Variants in LPCAT2 observed in about 807,000 individuals in gnomAD.
LPCAT2 encodes 1-AGP acyltransferase 11.
A neutral mutation model predicts 64.7 loss-of-function variants in LPCAT2; 58 were observed. The observed-to-expected ratio is 0.90, with a 90% CI of 0.73 to 1.12. The LOEUF (loss-of-function observed/expected upper bound fraction) is 1.12. Among genes scored for constraint, LPCAT2 ranks in the 50% most tolerant of loss-of-function variants. LPCAT2 has a pLI of 0.00. For synonymous variants in LPCAT2, 252 were observed against 245.3 expected (o/e 1.03, Z -0.26); for missense variants, 579 against 669.8 (o/e 0.86, Z 1.50).
At chr16:55,580,504 GT>G (rs1241475045) in intron 13 of LPCAT2, among the ~76,000 whole-genome samples, 8 of 152,172 alleles carry the variant, frequency 5.3e-5, no homozygotes, top group African/African-American at 1.7e-4. Context: ...GTTTTTTGGA[GT>G]TCAACCTTTT....
intron 11 of LPCAT2, among the ~76,000 whole-genome samples, chr16:55,556,402 T>C (rs1016298483): frequency 6.6e-6 from 1 of 152,184 alleles, no homozygotes; most frequent in African/African-American, 2.4e-5. Context: ...TCAGGATTTT[T>C]AATCAAAATT....
intron 5 of LPCAT2, 80 bp from the exon 6 acceptor site, chr16:55,532,744 A>T (rs1474443572): frequency 2.2e-6 from 2 of 893,866 alleles, no homozygotes; most frequent in Non-Finnish European, 3.6e-6. Flanking sequence ...CAGTCTATTT[A>T]TACTATTTAT....
chr16:55,514,669 G>A (rs1205160652), intron 1 of LPCAT2, among the ~76,000 whole-genome samples: 1 of 152,068 alleles, frequency 6.6e-6, no homozygotes, highest in African/African-American at 2.4e-5. Context: ...AAAATTGCAA[G>A]GTGTGTAAAG....
rs867895159 is a variant in LPCAT2 at position 55,579,038 on chromosome 16, T to C, written c.1315-71T>C. On this transcript the variant is annotated intron_variant, in intron 12 of 13. Coordinates refer to ENST00000262134, the MANE Select transcript of LPCAT2 (RefSeq NM_017839.5). ...AGTAGATGTTTGAATTATTAAAGAC[T>C]TTATTTTCCAAGATTATTCCCTACC... 384 of 1,451,352 alleles carry C rather than the reference T, an allele frequency of 2.6e-4. 1 individual carries two copies. The highest frequency in any genetic ancestry group is 2.4e-3 in the Middle Eastern group (11 of 4,600). 89.9% of individuals were successfully genotyped at this position (1,451,352 alleles called of 1,614,324 possible). A position where few individuals can be genotyped will look rare whatever the true frequency, so the allele number is the denominator to read the frequency against.
At chr16:55,575,501 C>A (rs1392175220) in intron 12 of LPCAT2, among the ~76,000 whole-genome samples, 1 of 152,132 alleles carries the variant, frequency 6.6e-6, no homozygotes, top group African/African-American at 2.4e-5. Flanking sequence ...CCTTGTCTTG[C>A]TAAGCTATGT....
At chr16:55,510,637 G>A (rs8054459) in intron 1 of LPCAT2, among the ~76,000 whole-genome samples, 72,680 of 151,896 alleles carry the variant, frequency 0.48, 18,073 homozygotes, top group Non-Finnish European at 0.55. Flanking sequence ...ATGGGTGTCT[G>A]GTTGAAGAGG....
At chr16:55,545,896 T>G (rs1963448484) in intron 9 of LPCAT2, 79 bp downstream of exon 9, 1 of 1,166,022 alleles carries the variant, frequency 8.6e-7, no homozygotes, top group African/African-American at 1.6e-5. Context: ...TTTTAAGGAT[T>G]TTTTTTTGAC....
intron 1 of LPCAT2, among the ~76,000 whole-genome samples, chr16:55,522,175 A>C (rs1963106513): frequency 6.6e-6 from 1 of 151,728 alleles, no homozygotes; most frequent in Non-Finnish European, 1.5e-5. Context: ...CAAAACTTAA[A>C]GTCAATCTTA....
At chr16:55,510,897 T>G (rs1213134033) in intron 1 of LPCAT2, among the ~76,000 whole-genome samples, 1 of 152,214 alleles carries the variant, frequency 6.6e-6, no homozygotes, top group African/African-American at 2.4e-5. Flanking sequence ...CATGGAATGT[T>G]GACAAATATT....
At chr16:55,556,278 C>T (rs1963573440) in intron 11 of LPCAT2, among the ~76,000 whole-genome samples, 2 of 151,866 alleles carry the variant, frequency 1.3e-5, no homozygotes, top group Non-Finnish European at 1.5e-5. Flanking sequence ...AAACTAGTGA[C>T]GGGAAGGAAT....
intron 11 of LPCAT2, chr16:55,567,575 C>G (rs1963720440): frequency 1.4e-6 from 2 of 1,455,368 alleles, no homozygotes; most frequent in Non-Finnish European, 1.9e-6. Flanking sequence ...TACACAGTTG[C>G]TGATACCCTG....
chr16:55,574,010 T>C (rs1963799827), intron 11 of LPCAT2, among the ~76,000 whole-genome samples: 1 of 152,126 alleles, frequency 6.6e-6, no homozygotes, highest in Admixed American at 6.5e-5. Flanking sequence ...CCTCCTAAGG[T>C]ATATTATACT....
intron 1 of LPCAT2, among the ~76,000 whole-genome samples, chr16:55,516,559 A>G (rs1206342451): frequency 6.6e-6 from 1 of 152,246 alleles, no homozygotes; most frequent in Non-Finnish European, 1.5e-5. Flanking sequence ...CTAAAGAAAG[A>G]CATTTATAAT....
rs1305700589 is a variant in LPCAT2 at position 55,509,101 on chromosome 16, G to A, written c.-81G>A. 6.7e-6 allele frequency: 8 copies of A among 1,192,784 alleles called. No homozygotes were observed. The highest frequency in any genetic ancestry group is 8.5e-6 in the Non-Finnish European group (8 of 936,048). The allele number at this position is 1,192,784 out of a possible 1,614,324, so 73.9% of individuals were successfully genotyped here. ...GCTCCCCAGCGTCGCCCTAGGCTGG[G>A]ACTCTAGTAGGTCTTCGGCTCAGTT... On this transcript the variant is annotated 5_prime_UTR_variant, in exon 1 of 14. Coordinates refer to ENST00000262134, the MANE Select transcript of LPCAT2 (RefSeq NM_017839.5).
At chr16:55,567,130 G>C (rs146637108) in intron 11 of LPCAT2, 30 of 1,613,638 alleles carry the variant, frequency 1.9e-5, no homozygotes, top group Non-Finnish European at 2.5e-5. Flanking sequence ...GACACCTGCC[G>C]GAGCATTGTG....
At chr16:55,516,958 A>G (rs927928574) in intron 1 of LPCAT2, among the ~76,000 whole-genome samples, 17 of 152,234 alleles carry the variant, frequency 1.1e-4, no homozygotes, top group African/African-American at 4.1e-4. Context: ...GTGGATTGAA[A>G]GTAGAAATCA....
At chr16:55,570,110 C>G (rs1263403717) in intron 11 of LPCAT2, among the ~76,000 whole-genome samples, 1 of 151,810 alleles carries the variant, frequency 6.6e-6, no homozygotes, top group Non-Finnish European at 1.5e-5. Flanking sequence ...TCAAAAGATC[C>G]CATGTGATTT....
At chr16:55,574,950 C>T (rs2142421553) in intron 12 of LPCAT2, among the ~76,000 whole-genome samples, 1 of 152,228 alleles carries the variant, frequency 6.6e-6, no homozygotes, top group Non-Finnish European at 1.5e-5. Flanking sequence ...TTAACAACAT[C>T]AAGATTGAAG....
intron 1 of LPCAT2, among the ~76,000 whole-genome samples, chr16:55,512,751 G>A (rs528024571): frequency 6.6e-6 from 1 of 152,236 alleles, no homozygotes; most frequent in Non-Finnish European, 1.5e-5. Context: ...GACACCACAG[G>A]GAAGGCACAG....
Sources: gnomAD v4.1 joint callset for allele counts (sites outside exome capture counted in the v4.1 genomes callset) on GRCh38, gnomAD v4.1.1 for gene constraint, MANE v1.5 for transcripts, NCBI Gene and HGNC (gene_info 2026-07-23, HGNC 2026-07-21) for gene names.